PELI2: variants seen among roughly 807,000 people sequenced by gnomAD.
The protein encoded by PELI2 is pellino E3 ubiquitin protein ligase family member 2.
PELI2 carries 23 observed loss-of-function variants against 42.3 expected under a neutral mutation model. That is an observed-to-expected ratio of 0.54 (90% CI 0.39 to 0.77). The LOEUF (loss-of-function observed/expected upper bound fraction) is 0.77, where lower values mean the gene tolerates loss of function less well. Among genes scored for constraint, PELI2 ranks in the 30% least tolerant of loss-of-function variants. The probability of loss-of-function intolerance (pLI) is 0.00; values close to 1 mark genes in which losing one functional copy is unlikely to be tolerated. For missense variants in PELI2, 463 were observed against 553.2 expected (o/e 0.84, Z 1.64); for synonymous variants, 245 against 212.2 (o/e 1.15, Z -1.34).
At chr14:56,222,456 T>C (rs1028368894) in intron 2 of PELI2, among the ~76,000 whole-genome samples, 4 of 152,238 alleles carry the variant, frequency 2.6e-5, no homozygotes, top group Non-Finnish European at 5.9e-5. Flanking sequence ...ACCACTTAGT[T>C]GAAGCTCACC....
At chr14:56,158,610 C>G (rs924445782) in intron 1 of PELI2, among the ~76,000 whole-genome samples, 3 of 152,158 alleles carry the variant, frequency 2.0e-5, no homozygotes, top group African/African-American at 7.2e-5. Context: ...CTGCCTTGAC[C>G]TCCCAATGTG....
chr14:56,241,690 A>G (rs904446307), intron 2 of PELI2, among the ~76,000 whole-genome samples: 2 of 152,196 alleles, frequency 1.3e-5, no homozygotes, highest in Non-Finnish European at 1.5e-5. Context: ...AAGGGGAGAT[A>G]GTAAAAATAT....
intron 2 of PELI2, among the ~76,000 whole-genome samples, chr14:56,256,808 AT>A (rs1210521573): frequency 2.0e-5 from 3 of 152,112 alleles, no homozygotes; most frequent in Non-Finnish European, 1.5e-5. Flanking sequence ...GCTCTGATTA[AT>A]GTAGGTTACA....
intron 2 of PELI2, among the ~76,000 whole-genome samples, chr14:56,222,028 C>G (rs1036401477): frequency 6.6e-6 from 1 of 151,056 alleles, no homozygotes; most frequent in Non-Finnish European, 1.5e-5. Context: ...TAGATTTCCT[C>G]TATGCACAAT....
At chr14:56,207,485 G>T (rs969178747) in intron 2 of PELI2, among the ~76,000 whole-genome samples, 2 of 152,166 alleles carry the variant, frequency 1.3e-5, no homozygotes, top group Non-Finnish European at 2.9e-5. Context: ...AGTCCCACTA[G>T]AACATGATAT....
chr14:56,260,227 A>G (rs924553396), intron 2 of PELI2, among the ~76,000 whole-genome samples: 2 of 152,124 alleles, frequency 1.3e-5, no homozygotes, highest in Non-Finnish European at 2.9e-5. Flanking sequence ...AACCCCAGCT[A>G]TATTTGTGAA....
intron 2 of PELI2, among the ~76,000 whole-genome samples, chr14:56,249,491 A>G (rs115165810): frequency 2.6e-5 from 4 of 151,726 alleles, no homozygotes; most frequent in East Asian, 1.9e-4. Context: ...CCTCCATTCA[A>G]CTCTTCCAAG....
intron 2 of PELI2, among the ~76,000 whole-genome samples, chr14:56,230,100 T>G (rs1887502825): frequency 6.6e-6 from 1 of 152,062 alleles, no homozygotes; most frequent in Non-Finnish European, 1.5e-5. Context: ...CAAGACTATG[T>G]GAAAAGACCA....
intron 2 of PELI2, among the ~76,000 whole-genome samples, chr14:56,209,541 A>T (rs954539595): frequency 1.3e-4 from 19 of 151,580 alleles, no homozygotes; most frequent in African/African-American, 4.6e-4. Context: ...TTAATAAAAT[A>T]TTTCGTTTCG....
At chr14:56,118,832 G>T (rs1484499837) in intron 1 of PELI2, 95 bp downstream of exon 1, 10 of 740,870 alleles carry the variant, frequency 1.3e-5, no homozygotes, top group Non-Finnish European at 1.9e-5. Context: ...TGCTCTTTGG[G>T]GACCGCCGGG....
At chr14:56,212,039 C>CACCA (rs1318018990) in intron 2 of PELI2, among the ~76,000 whole-genome samples, 1 of 152,102 alleles carries the variant, frequency 6.6e-6, no homozygotes, top group Non-Finnish European at 1.5e-5. Flanking sequence ...GGGAATAGTC[C>CACCA]TGGTGGTTGC....
intron 2 of PELI2, among the ~76,000 whole-genome samples, chr14:56,260,266 C>T (rs989856681): frequency 6.6e-6 from 1 of 151,962 alleles, no homozygotes; most frequent in African/African-American, 2.4e-5. Flanking sequence ...GTATAAATAT[C>T]CTTTAAATGT....
At chr14:56,179,812 G>A (rs948625099) in intron 2 of PELI2, among the ~76,000 whole-genome samples, 4 of 152,222 alleles carry the variant, frequency 2.6e-5, no homozygotes, top group East Asian at 1.9e-4. Context: ...AAATGTTCTG[G>A]TATTTAGATG....
At chr14:56,235,330 C>T (rs1292322256) in intron 2 of PELI2, among the ~76,000 whole-genome samples, 2 of 152,192 alleles carry the variant, frequency 1.3e-5, no homozygotes, top group African/African-American at 4.8e-5. Flanking sequence ...AGATATATCC[C>T]CCCAAAATTT....
chr14:56,178,529 C>G (rs559725694), intron 2 of PELI2, 65 bp downstream of exon 2: 1 of 1,545,540 alleles, frequency 6.5e-7, no homozygotes, highest in Non-Finnish European at 8.9e-7. Flanking sequence ...ACTCCTTGTC[C>G]GCTGCTCTCT....
At chr14:56,190,843 T>C (rs1474709926) in intron 2 of PELI2, among the ~76,000 whole-genome samples, 5 of 152,240 alleles carry the variant, frequency 3.3e-5, no homozygotes, top group African/African-American at 7.2e-5. Context: ...TCAAAAAATA[T>C]GGAAGTCAAT....
At chr14:56,279,889 A>G in intron 3 of PELI2, 112 bp downstream of exon 3, 1 of 453,694 alleles carries the variant, frequency 2.2e-6, no homozygotes, top group Non-Finnish European at 3.9e-6. Flanking sequence ...AGAGTTGAAG[A>G]TAATATAAAA....
intron 3 of PELI2, among the ~76,000 whole-genome samples, chr14:56,285,889 G>A (rs1002064850): frequency 6.6e-6 from 1 of 152,076 alleles, no homozygotes; most frequent in African/African-American, 2.4e-5. Context: ...GCCAGAGCAG[G>A]GCTACTCAAA....
chr14:56,235,350 C>T (rs371840945), intron 2 of PELI2, among the ~76,000 whole-genome samples: 2 of 152,280 alleles, frequency 1.3e-5, no homozygotes, highest in South Asian at 4.2e-4. Flanking sequence ...TGGGGACTTC[C>T]AGAGAAATCT....
Sources: allele counts gnomAD v4.1 joint callset (sites outside exome capture counted in the v4.1 genomes callset), GRCh38; gene constraint gnomAD v4.1.1; transcripts MANE v1.5; gene names NCBI Gene and HGNC (gene_info 2026-07-23, HGNC 2026-07-21).